SACS: variants seen among roughly 807,000 people sequenced by gnomAD.
SACS encodes sacsin.
SACS carries 197 observed loss-of-function variants against 348.0 expected under a neutral mutation model. The observed-to-expected ratio is 0.57, with a 90% CI of 0.50 to 0.64. SACS has a LOEUF of 0.64. SACS is among the 30% of genes least tolerant of loss of function. SACS has a pLI of 0.00. For missense variants in SACS, 4,999 were observed against 5,360.8 expected, an observed-to-expected ratio of 0.93 and a Z score of 2.11; for synonymous variants, 1,985 against 1,910.6, an observed-to-expected ratio of 1.04 and a Z score of -1.02.
chr13:23,417,844 G>A (rs1364732341), intron 1 of SACS, among the ~76,000 whole-genome samples: 4 of 151,978 alleles, frequency 2.6e-5, no homozygotes, highest in African/African-American at 7.3e-5. Context: ...TGAGGCAGGC[G>A]GAACCCCTGA....
intron 1 of SACS, among the ~76,000 whole-genome samples, chr13:23,421,006 T>C (rs1873917192): frequency 6.6e-6 from 1 of 152,104 alleles, no homozygotes; most frequent in Non-Finnish European, 1.5e-5. Context: ...GGTATCCTCC[T>C]GGCACCTGGT....
At chr13:23,425,788 C>T (rs1480581631) in intron 1 of SACS, among the ~76,000 whole-genome samples, 1 of 152,214 alleles carries the variant, frequency 6.6e-6, no homozygotes, top group Non-Finnish European at 1.5e-5. Flanking sequence ...TCCACCCCGC[C>T]TGACTCCCTG....
chr13:23,333,410 G>A lies in SACS; in HGVS notation c.10466C>T (p.Ser3489Phe). The A allele has an allele frequency of 2.5e-6, 4 of 1,609,676 alleles. No individual in the cohort carries two copies. Among genetic ancestry groups the A allele is most frequent in the Non-Finnish European group, 3.4e-6 (4 of 1,178,378 alleles). The change falls in exon 10 of 10, where the codon TCT becomes TTT. Residue 3489 changes from serine to phenylalanine, a missense_variant. Ser to Phe is a radical substitution (Grantham distance 155). Around this residue, in one of 6 missense-constraint regions of SACS, gnomAD observed 734 missense variants for 694.0 expected, o/e 1.06. Transcript: ENST00000382292. ...KHLLPKIENL[S>F]YDAKLEHLIY... is the part of the protein sequence containing the mutation. ...CAAGTGCTCTAATTTTGCATCATAAGAGAGATTTTCAATTTTTGGTAAGAG... is the reference window on the plus strand; with the variant it reads ...CAAGTGCTCTAATTTTGCATCATAAAAGAGATTTTCAATTTTTGGTAAGAG...
At chr13:23,431,615 T>C (rs180896323) in intron 1 of SACS, among the ~76,000 whole-genome samples, 1 of 152,292 alleles carries the variant, frequency 6.6e-6, no homozygotes, top group East Asian at 1.9e-4. Context: ...TGTAGGCTCA[T>C]GGTGGGAGTG....
intron 2 of SACS, among the ~76,000 whole-genome samples, chr13:23,389,581 G>A (rs745428637): frequency 1.8e-4 from 27 of 152,060 alleles, no homozygotes; most frequent in Non-Finnish European, 2.9e-4. Flanking sequence ...TTCAACCTCC[G>A]AATTTAGAAA....
At chr13:23,422,711 T>C (rs956304224) in intron 1 of SACS, among the ~76,000 whole-genome samples, 21 of 151,488 alleles carry the variant, frequency 1.4e-4, no homozygotes, top group Non-Finnish European at 1.5e-4. Context: ...CAGGCTGGAG[T>C]GCAGTGGCAC....
chr13:23,336,094 C>T lies in SACS; in HGVS notation c.7782G>A (p.Gln2594=). 6.2e-7 allele frequency: 1 copy of T among 1,611,152 alleles called. No homozygotes were observed. Among genetic ancestry groups the T allele is most frequent in the Admixed American group, 1.7e-5 (1 of 59,888 alleles). Residue 2594 remains glutamine, a synonymous_variant, in exon 10 of 10, where the codon CAG becomes CAA. Coordinates refer to ENST00000382292, the MANE Select transcript of SACS (RefSeq NM_014363.6). ...QGPALCVYNN[Q]PFTEDDVRGI... ...CTCTAACATCATCTTCTGTAAATGG[C>T]TGGTTGTTGTACACACAAAGTGCTG... is the stretch of plus-strand genomic sequence containing the variant.
Position 23,331,430 on chromosome 13 carries a change from G to C in SACS, c.12446C>G (p.Ser4149Ter). Residue 4149 changes from serine to a stop codon, truncating the protein, a stop_gained, in exon 10 of 10, where the codon TCA becomes TGA. Coordinates refer to ENST00000382292, the MANE Select transcript of SACS (RefSeq NM_014363.6). LOFTEE classifies it high-confidence loss of function. The part of the protein sequence containing the change: ...LGVKYDSSEP[S>*]KLELPMPGTP... ...GCCAGGCATTGGAAGTTCCAGTTTT[G>C]ATGGCTCCGAAGAGTCATATTTCAC... is the stretch of plus-strand genomic sequence containing the variant. 1 of 1,613,938 alleles carries C rather than the reference G, an allele frequency of 6.2e-7. No individual in the cohort carries two copies. Among genetic ancestry groups the C allele is most frequent in the Non-Finnish European group, 8.5e-7 (1 of 1,179,898 alleles).
Position 23,337,336 on chromosome 13 carries a change from A to T in SACS, c.6540T>A (p.Ala2180=). ...ATAAGATACTACTTCTTAGGCATGCAGCAACATGATCACTTTTATTAATTT... is the reference window on the plus strand; with the variant it reads ...ATAAGATACTACTTCTTAGGCATGCTGCAACATGATCACTTTTATTAATTT... The part of the protein sequence containing the change: ...VAEINKSDHV[A]ACLRSSILLS... The change falls in exon 10 of 10, where the codon GCT becomes GCA. Residue 2180 remains alanine (A), a synonymous_variant. Coordinates refer to ENST00000382292, the MANE Select transcript of SACS (RefSeq NM_014363.6). 1 of 1,613,988 alleles carries T rather than the reference A, an allele frequency of 6.2e-7. No individual in the cohort carries two copies. Among genetic ancestry groups the T allele is most frequent in the South Asian group, 1.1e-5 (1 of 91,064 alleles).
chr13:23,408,500 T>C (rs1873330848), intron 2 of SACS, among the ~76,000 whole-genome samples: 1 of 152,240 alleles, frequency 6.6e-6, no homozygotes, highest in South Asian at 2.1e-4. Flanking sequence ...CATCACGTTC[T>C]ACATGCCTTA....
intron 1 of SACS, among the ~76,000 whole-genome samples, chr13:23,433,050 T>C (rs1345281540): frequency 6.6e-6 from 1 of 152,212 alleles, no homozygotes; most frequent in African/African-American, 2.4e-5. Context: ...GAAATATTTT[T>C]TAACTAAAAG....
In SACS at chr13:23,330,907, C is replaced by A; in HGVS notation, c.12969G>T (p.Ser4323=). ...VVEQAWKLPE[S]ERKKIIRRLY... is the part of the protein sequence containing the mutation. Reference sequence around the variant, plus strand: ...ACCGCCTAATAATCTTTTTTCGTTCCGATTCTGGAAGCTTCCATGCTTGCT... The same window carrying A: ...ACCGCCTAATAATCTTTTTTCGTTCAGATTCTGGAAGCTTCCATGCTTGCT... Residue 4323 remains serine (S), a synonymous_variant, in exon 10 of 10, where the codon TCG becomes TCT. Transcript: ENST00000382292. 6.2e-7 allele frequency: 1 copy of A among 1,613,906 alleles called. No homozygotes were observed. Among genetic ancestry groups the A allele is most frequent in the East Asian group, 2.2e-5 (1 of 44,878 alleles).
intron 2 of SACS, among the ~76,000 whole-genome samples, chr13:23,398,914 G>T (rs773408318): frequency 6.7e-6 from 1 of 150,134 alleles, no homozygotes; most frequent in Non-Finnish European, 1.5e-5. Flanking sequence ...CCAGCTACTC[G>T]GGAGGTTGAG....
intron 2 of SACS, among the ~76,000 whole-genome samples, chr13:23,375,850 G>C (rs1372820289): frequency 6.6e-6 from 1 of 152,170 alleles, no homozygotes; most frequent in East Asian, 1.9e-4. Flanking sequence ...CGTACAGCTA[G>C]AGGACAGGTG....
chr13:23,421,617 G>A (rs1272942778), intron 1 of SACS, among the ~76,000 whole-genome samples: 6 of 152,118 alleles, frequency 3.9e-5, no homozygotes, highest in South Asian at 2.1e-4. Flanking sequence ...GCTGTGGCAC[G>A]GATGTGAGCC....
rs138328181 is a variant in SACS at position 23,330,338 on chromosome 13, C to T, written c.13538G>A (p.Ser4513Asn). Reference protein sequence around the residue: ...TALAQKIEEYSQQLEGLTNDV... With the variant: ...TALAQKIEEYNQQLEGLTNDV... ...ATTTGTCAGTCCTTCAAGTTGCTGA[C>T]TATATTCCTCTATTTTCTGAGCAAG... The change falls in exon 10 of 10, where the codon AGT (serine) becomes AAT (asparagine). Residue 4513 changes from serine to asparagine, a missense_variant. By Grantham distance (46) the Ser-to-Asn change is conservative. Coordinates refer to ENST00000382292, the MANE Select transcript of SACS (RefSeq NM_014363.6). 42 of 1,614,028 alleles carry T rather than the reference C, an allele frequency of 2.6e-5. No individual in the cohort carries two copies. The highest frequency in any genetic ancestry group is 3.5e-5 in the Non-Finnish European group (41 of 1,180,006).
In SACS at chr13:23,341,125, C is replaced by A; in HGVS notation, c.2751G>T (p.Glu917Asp). Reference protein sequence around the residue: ...LASLTDSSEKEKRIIQELAIF... With the variant: ...LASLTDSSEKDKRIIQELAIF... ...TTGCCAATTCTTGAATAATTCTTTT[C>A]TCTTTCTCACTGCTATCGGTTAAAC... The change falls in exon 10 of 10, where the codon GAG becomes GAT. Residue 917 changes from glutamate (E) to aspartate (D), a missense_variant. Transcript: ENST00000382292. 1.2e-6 allele frequency: 2 copies of A among 1,613,366 alleles called. No homozygotes were observed. The highest frequency in any genetic ancestry group is 1.3e-5 in the African/African-American group (1 of 75,048).
At position 23,333,753 on chromosome 13, in the gene SACS, T is replaced by C. The variant is rs759482888; in HGVS notation, c.10123A>G (p.Arg3375Gly). The C allele has an allele frequency of 1.2e-6, 2 of 1,613,758 alleles. No homozygotes were observed. The highest frequency in any genetic ancestry group is 2.2e-5 in the East Asian group (1 of 44,892). The change falls in exon 10 of 10, where the codon AGA becomes GGA. Residue 3375 changes from arginine (R) to glycine (G), a missense_variant. Around this residue, in one of 6 missense-constraint regions of SACS, gnomAD observed 734 missense variants for 694.0 expected, o/e 1.06. Coordinates refer to ENST00000382292, the MANE Select transcript of SACS (RefSeq NM_014363.6). ...TCATTTTCTACTAATTTTTCTGCTC[T>C]AAATGTTGAAGTTTGGACCATATAA... ...LHYMVQTSTFRAEKLVENDFE... is the reference protein window; with the variant it reads ...LHYMVQTSTFGAEKLVENDFE...
At chr13:23,374,383 G>A (rs939223107) in intron 3 of SACS, among the ~76,000 whole-genome samples, 3 of 152,118 alleles carry the variant, frequency 2.0e-5, no homozygotes, top group East Asian at 3.9e-4. Context: ...CATCCTATAC[G>A]CTCAAGTATT....
Sources: allele counts gnomAD v4.1 joint callset (sites outside exome capture counted in the v4.1 genomes callset), GRCh38; gene constraint gnomAD v4.1.1; regional missense constraint gnomAD v4.1.1; transcripts MANE v1.5; gene names NCBI Gene and HGNC (gene_info 2026-07-23, HGNC 2026-07-21).